UIMC1: variants seen among roughly 807,000 people sequenced by gnomAD.
The protein encoded by UIMC1 is BRCA1-A complex subunit RAP80.
Under a neutral mutation model 84.9 loss-of-function variants are expected in UIMC1, and 42 were observed. The observed-to-expected ratio is 0.49, with a 90% CI of 0.39 to 0.64. The LOEUF is 0.64. UIMC1 is among the 30% of genes least tolerant of loss of function. The pLI is 0.00. For synonymous variants in UIMC1, 281 were observed against 293.0 expected (o/e 0.96, Z 0.42); for missense variants, 825 against 847.6 (o/e 0.97, Z 0.33).
chr5:176,939,881 T>C (rs1247121802), intron 10 of UIMC1, among the ~76,000 whole-genome samples: 1 of 152,188 alleles, frequency 6.6e-6, no homozygotes, highest in Non-Finnish European at 1.5e-5. Flanking sequence ...TAAAGACATA[T>C]GATGCCGAGA....
intron 1 of UIMC1, among the ~76,000 whole-genome samples, chr5:177,002,531 G>A (rs919325490): frequency 7.9e-5 from 12 of 152,164 alleles, no homozygotes; most frequent in African/African-American, 2.7e-4. Flanking sequence ...GCTGGGCACG[G>A]TGGCTCACGC....
intron 8 of UIMC1, 133 bp from the exon 9 acceptor site, chr5:176,951,710 G>A: frequency 1.7e-6 from 1 of 574,240 alleles, no homozygotes; most frequent in South Asian, 3.4e-5. Context: ...AATAGATCTA[G>A]TTTGTTTCTT....
At chr5:176,971,020 G>T (rs140069748) in intron 3 of UIMC1, among the ~76,000 whole-genome samples, 154 bp from the exon 4 acceptor site, 10 of 152,346 alleles carry the variant, frequency 6.6e-5, no homozygotes, top group Non-Finnish European at 1.2e-4. Context: ...ACCCCAGAAG[G>T]AAAGGTGTTG....
At chr5:176,986,468 T>A (rs141969381) in intron 1 of UIMC1, among the ~76,000 whole-genome samples, 164 of 141,200 alleles carry the variant, frequency 1.2e-3, no homozygotes, top group African/African-American at 4.2e-3. Context: ...TGTTTGAGAC[T>A]GCCATGAGCT....
rs1046543759 is a variant in UIMC1 at position 176,981,440 on chromosome 5, G to A, written c.147+1029C>T. On this transcript the variant is annotated intron_variant, in intron 2 of 14. Coordinates refer to ENST00000511320, the MANE Select transcript of UIMC1 (RefSeq NM_001199298.2). The stretch of plus-strand genomic sequence containing the variant: ...ATTACAGGTGTGAGCTGCCGTGCCC[G>A]GCCAAGAAACGTTTCTGAAAAATCA... Among the ~76,000 whole-genome samples the A allele has an allele frequency of 5.3e-5, 8 of 151,964 alleles. No homozygotes were observed. In the East Asian group the frequency reaches 5.8e-4, roughly 11 times the overall value.
intron 10 of UIMC1, among the ~76,000 whole-genome samples, chr5:176,914,185 A>G (rs1234837477): frequency 6.6e-6 from 1 of 150,892 alleles, no homozygotes; most frequent in Admixed American, 6.6e-5. Flanking sequence ...TAAATGCAGG[A>G]TTTTGTATTT....
chr5:176,981,917 A>G (rs1410063905), intron 2 of UIMC1, among the ~76,000 whole-genome samples: 2 of 152,240 alleles, frequency 1.3e-5, no homozygotes, highest in Non-Finnish European at 2.9e-5. Context: ...AATACAGGAT[A>G]AAGGAAAAAG....
chr5:176,969,561 A>C (rs1483794456), intron 5 of UIMC1, 40 bp downstream of exon 5: 1 of 1,583,534 alleles, frequency 6.3e-7, no homozygotes, highest in East Asian at 2.2e-5. Context: ...TGGTACAGTT[A>C]TACTTGATGA....
At chr5:176,955,896 T>G (rs1766536527) in intron 8 of UIMC1, 63 bp downstream of exon 8, 3 of 1,514,784 alleles carry the variant, frequency 2.0e-6, no homozygotes, top group Non-Finnish European at 2.7e-6. Context: ...CAGAGGAAAA[T>G]TAATAGGCAT....
chr5:176,938,718 C>A (rs902783272), intron 10 of UIMC1, among the ~76,000 whole-genome samples: 14 of 152,176 alleles, frequency 9.2e-5, no homozygotes, highest in Admixed American at 7.2e-4. Context: ...CCAGACCTAA[C>A]CAGCCTGCAA....
chr5:176,916,802 G>C (rs1047251450), intron 10 of UIMC1, among the ~76,000 whole-genome samples: 2 of 152,074 alleles, frequency 1.3e-5, no homozygotes, highest in African/African-American at 4.8e-5. Flanking sequence ...AGTCTTAAGT[G>C]GTTTCCATAC....
At chr5:176,914,143 C>G (rs2149395818) in intron 10 of UIMC1, among the ~76,000 whole-genome samples, 1 of 151,966 alleles carries the variant, frequency 6.6e-6, no homozygotes, top group East Asian at 1.9e-4. Context: ...ACTTTGGTAA[C>G]TAAGTTGCTG....
chr5:176,995,327 T>C (rs965340085), intron 1 of UIMC1, among the ~76,000 whole-genome samples: 6 of 151,690 alleles, frequency 4.0e-5, no homozygotes, highest in African/African-American at 9.7e-5. Flanking sequence ...GATAGGCAGA[T>C]TGCTTGAGGA....
chr5:177,017,744 G>A (rs1279930773), intron 1 of UIMC1, among the ~76,000 whole-genome samples: 5 of 148,142 alleles, frequency 3.4e-5, no homozygotes, highest in Admixed American at 6.8e-5. Context: ...ACAGCTCACT[G>A]CAGGCTCAAG....
chr5:177,001,068 A>C (rs1284280874), intron 1 of UIMC1, among the ~76,000 whole-genome samples: 1 of 152,094 alleles, frequency 6.6e-6, no homozygotes, highest in Non-Finnish European at 1.5e-5. Context: ...GATATTACTC[A>C]AGAAGTTTTT....
At chr5:176,973,621 T>C (rs2149490290) in intron 3 of UIMC1, among the ~76,000 whole-genome samples, 1 of 150,178 alleles carries the variant, frequency 6.7e-6, no homozygotes, top group South Asian at 2.1e-4. Flanking sequence ...TTTTAAAAAA[T>C]AGCTGGGTGT....
At chr5:176,949,019 ATATT>A (rs1217272477) in intron 9 of UIMC1, among the ~76,000 whole-genome samples, 3 of 151,964 alleles carry the variant, frequency 2.0e-5, no homozygotes, top group Non-Finnish European at 4.4e-5. Flanking sequence ...TTTTCCTACT[ATATT>A]TATTTATGTA....
rs1281957649 is a variant in UIMC1 at position 176,905,230 on chromosome 5, C to A, written c.*52G>T. 2 of 1,590,376 alleles carry A rather than the reference C, an allele frequency of 1.3e-6. No homozygotes were observed. Among genetic ancestry groups the A allele is most frequent in the Non-Finnish European group, 1.7e-6 (2 of 1,164,880 alleles). On this transcript the variant is annotated 3_prime_UTR_variant, in exon 15 of 15. Transcript: ENST00000511320. ...CTAGGGACCACTATGGCTTAATGAA[C>A]ATGGCCCACCCCTCCTACTAATGGT...
intron 10 of UIMC1, among the ~76,000 whole-genome samples, chr5:176,926,725 T>C (rs1463558964): frequency 6.6e-6 from 1 of 152,078 alleles, no homozygotes; most frequent in Non-Finnish European, 1.5e-5. Flanking sequence ...AACTCTCAAA[T>C]GGCCAGGGAA....
Sources: gnomAD v4.1 joint callset for allele counts (sites outside exome capture counted in the v4.1 genomes callset) on GRCh38, gnomAD v4.1.1 for gene constraint, MANE v1.5 for transcripts, NCBI Gene and HGNC (gene_info 2026-07-23, HGNC 2026-07-21) for gene names.